The following SLC13A2 variants were observed in gnomAD, a reference collection of about 807,000 sequenced individuals.
SLC13A2 encodes the protein solute carrier family 13 member 2, also known as Na(+)-coupled citrate transporter.
SLC13A2 carries 40 observed loss-of-function variants against 58.5 expected under a neutral mutation model. The ratio of observed to expected loss-of-function variants is 0.68; its 90% CI spans 0.53 to 0.89. The LOEUF is 0.89. SLC13A2 is among the 40% of genes least tolerant of loss of function. SLC13A2 has a pLI of 0.00. For missense variants in SLC13A2, 694 were observed against 772.6 expected (o/e 0.90, Z 1.21); for synonymous variants, 341 against 331.6 (o/e 1.03, Z -0.31).
intron 1 of SLC13A2, among the ~76,000 whole-genome samples, chr17:28,481,671 C>A (rs1314244035): frequency 6.6e-6 from 1 of 152,220 alleles, no homozygotes; most frequent in Non-Finnish European, 1.5e-5. Context: ...TAGAGGTTGT[C>A]GTTTGACTTC....
chr17:28,491,641 C>T, intron 5 of SLC13A2, 24 bp downstream of exon 5: 1 of 1,610,010 alleles, frequency 6.2e-7, no homozygotes, highest in Non-Finnish European at 8.5e-7. Flanking sequence ...GGTGGGCCAC[C>T]TTGGGGGATC....
chr17:28,490,391 C>A, intron 2 of SLC13A2, 63 bp from the exon 3 acceptor site: 6 of 1,614,066 alleles, frequency 3.7e-6, no homozygotes, highest in South Asian at 1.1e-5. Context: ...ATCCCATAAC[C>A]TCGGGGGCAC....
At chr17:28,485,140 G>A (rs1441008876) in intron 1 of SLC13A2, among the ~76,000 whole-genome samples, 1 of 152,218 alleles carries the variant, frequency 6.6e-6, no homozygotes, top group Non-Finnish European at 1.5e-5. Flanking sequence ...GCCTGGGGAA[G>A]GAGGAGGCAG....
intron 11 of SLC13A2, 53 bp from the exon 12 acceptor site, chr17:28,497,046 G>A: frequency 6.3e-7 from 1 of 1,577,784 alleles, no homozygotes; most frequent in Middle Eastern, 1.7e-4. Context: ...CTGGGGACTT[G>A]GGGGCAGTCC....
chr17:28,475,467 G>A (rs1008035786), intron 1 of SLC13A2, among the ~76,000 whole-genome samples: 4 of 152,078 alleles, frequency 2.6e-5, no homozygotes, highest in Admixed American at 6.5e-5. Flanking sequence ...ATCCACATAC[G>A]GAGGTGCTGT....
chr17:28,494,398 A>G lies in SLC13A2; in HGVS notation c.1194A>G (p.Pro398=), dbSNP rs2151463354. The G allele has an allele frequency of 6.2e-7, 1 of 1,614,162 alleles. No homozygotes were observed. The highest frequency in any genetic ancestry group is 8.5e-7 in the Non-Finnish European group (1 of 1,180,020). The change falls in exon 9 of 12, where the codon CCA becomes CCG. Residue 398 remains proline (P), a synonymous_variant. Coordinates refer to ENST00000314669, the MANE Select transcript of SLC13A2 (RefSeq NM_003984.4). The surrounding 1 kb of genome is among the most constrained non-coding windows in gnomAD (Gnocchi z 4.0). ...TCTCTGCTTGGGAAGTAGAAAACCC[A>G]GGGAAGCTGAAGGCCCCTCTTGGCC... ...FPGLTQDPEN[P]GKLKAPLGLL... is the part of the protein sequence containing the mutation.
intron 1 of SLC13A2, among the ~76,000 whole-genome samples, chr17:28,485,110 G>A (rs895262275): frequency 3.3e-5 from 5 of 152,224 alleles, no homozygotes; most frequent in African/African-American, 1.2e-4. Context: ...GAACAGAGCT[G>A]GGGAACAACC....
intron 4 of SLC13A2, 73 bp downstream of exon 4, chr17:28,490,979 G>A (rs1003525024): frequency 2.1e-5 from 29 of 1,376,222 alleles, no homozygotes; most frequent in Non-Finnish European, 2.7e-5. Context: ...TGTCCGTTTC[G>A]AGGGCTGGTC....
rs2069031085 is a variant in SLC13A2, at chr17:28,491,775, C to G, written c.801C>G (p.Phe267Leu). ...ACGTGGTGAACTTCGCCTCCTGGTT[C>G]AGCTTCGCCTTCCCCACCATGGTCA... ...NGNVVNFASWFSFAFPTMVIL... is the reference protein window; with the variant it reads ...NGNVVNFASWLSFAFPTMVIL... Residue 267 changes from phenylalanine (F) to leucine (L), a missense_variant, in exon 6 of 12, where the codon TTC becomes TTG. By Grantham distance (22) the Phe-to-Leu change is conservative (BLOSUM62 0). Transcript: ENST00000314669. 1 of 1,614,218 alleles carries G rather than the reference C, an allele frequency of 6.2e-7. No individual in the cohort carries two copies. The highest frequency in any genetic ancestry group is 1.1e-5 in the South Asian group (1 of 91,072).
intron 6 of SLC13A2, among the ~76,000 whole-genome samples, chr17:28,492,374 C>T (rs2069045936): frequency 6.6e-6 from 1 of 152,188 alleles, no homozygotes; most frequent in Non-Finnish European, 1.5e-5. Context: ...TAGTTCAGCC[C>T]AGGTGAGTGA....
intron 6 of SLC13A2, among the ~76,000 whole-genome samples, chr17:28,492,735 T>C (rs1352926840): frequency 6.6e-6 from 1 of 152,250 alleles, no homozygotes; most frequent in Non-Finnish European, 1.5e-5. Context: ...TAGGAGACCC[T>C]GCTAAGGCTC....
chr17:28,493,881 A>T, intron 7 of SLC13A2, 92 bp downstream of exon 7: 1 of 1,497,076 alleles, frequency 6.7e-7, no homozygotes, highest in South Asian at 1.2e-5. Context: ...GCAGAACAGG[A>T]GGTAACACTT....
rs959748576 is a variant in SLC13A2 at position 28,477,777 on chromosome 17, A to G, written c.102+3963A>G. ...CAAAAGCCTATGTGTCGGGCTGGGCATGGTGGCTCATGCCTGTAATCCCAG... is the reference window on the plus strand; with the variant it reads ...CAAAAGCCTATGTGTCGGGCTGGGCGTGGTGGCTCATGCCTGTAATCCCAG... On this transcript the variant is annotated intron_variant, in intron 1 of 11. Coordinates refer to ENST00000314669, the MANE Select transcript of SLC13A2 (RefSeq NM_003984.4). Among the ~76,000 whole-genome samples, 9 of 151,908 alleles carry G rather than the reference A, an allele frequency of 5.9e-5. No homozygotes were observed. In the South Asian group the frequency reaches 1.3e-3, roughly 21 times the overall value.
chr17:28,490,267 C>A (rs782266399), intron 2 of SLC13A2, 187 bp from the exon 3 acceptor site: 10 of 1,526,526 alleles, frequency 6.6e-6, no homozygotes, highest in Non-Finnish European at 7.9e-6. Flanking sequence ...GAGCCAGACC[C>A]TGTCTCCAAA....
chr17:28,473,654 T>C lies in SLC13A2; in HGVS notation c.-59T>C. Reference sequence around the variant, plus strand: ...CCTGCCTGCTTGGCTGCATCTTTGGTCCTTCTGTTACCCAGCTCCTGGAGG... The same window carrying C: ...CCTGCCTGCTTGGCTGCATCTTTGGCCCTTCTGTTACCCAGCTCCTGGAGG... On this transcript the variant is annotated 5_prime_UTR_variant, in exon 1 of 12. Transcript: ENST00000314669. 1 of 1,320,010 alleles carries C rather than the reference T, an allele frequency of 7.6e-7. No individual in the cohort carries two copies. Among genetic ancestry groups the C allele is most frequent in the Non-Finnish European group, 1.1e-6 (1 of 923,236 alleles). The allele number at this position is 1,320,010 out of a possible 1,614,324, so 81.8% of individuals were successfully genotyped here.
In SLC13A2 at chr17:28,494,446, C is replaced by A; in HGVS notation, c.1242C>A (p.Asn414Lys). Residue 414 changes from asparagine to lysine, a missense_variant, in exon 9 of 12, where the codon AAC becomes AAA. Coordinates refer to ENST00000314669, the MANE Select transcript of SLC13A2 (RefSeq NM_003984.4). This position sits in a 1 kb window ranked among gnomAD's most constrained non-coding sequence, Gnocchi z 4.0. Reference sequence around the variant, plus strand: ...GCCTCCTCGACTGGAAGACGGTGAACCAGAAGATGCCGTGGAATATCGTGT... The same window carrying A: ...GCCTCCTCGACTGGAAGACGGTGAAACAGAAGATGCCGTGGAATATCGTGT... ...PLGLLDWKTV[N>K]QKMPWNIVLL... The A allele has an allele frequency of 6.2e-7, 1 of 1,614,174 alleles. No individual in the cohort carries two copies. Among genetic ancestry groups the A allele is most frequent in the Non-Finnish European group, 8.5e-7 (1 of 1,180,032 alleles).
intron 1 of SLC13A2, among the ~76,000 whole-genome samples, chr17:28,475,571 A>G (rs1415899122): frequency 2.0e-5 from 3 of 152,190 alleles, no homozygotes; most frequent in Non-Finnish European, 4.4e-5. Flanking sequence ...CATAACAGGA[A>G]GTCTCAAGAC....
chr17:28,474,617 A>G (rs2068640395), intron 1 of SLC13A2, among the ~76,000 whole-genome samples: 1 of 152,098 alleles, frequency 6.6e-6, no homozygotes, highest in African/African-American at 2.4e-5. Flanking sequence ...TCCAAGTTTC[A>G]TGGAACTTGG....
chr17:28,492,793 G>A (rs1381483443), intron 6 of SLC13A2, among the ~76,000 whole-genome samples: 6 of 152,222 alleles, frequency 3.9e-5, no homozygotes, highest in African/African-American at 1.4e-4. Context: ...CCATGAATAC[G>A]GGATAAGAGT....
Sources: gnomAD v4.1 joint callset for allele counts (sites outside exome capture counted in the v4.1 genomes callset) on GRCh38, gnomAD v4.1.1 for gene constraint, Gnocchi (gnomAD v3.1) non-coding constraint, MANE v1.5 for transcripts, NCBI Gene and HGNC (gene_info 2026-07-23, HGNC 2026-07-21) for gene names.